Variants in NDST3 observed in about 807,000 individuals in gnomAD.
NDST3 encodes bifunctional heparan sulfate N-deacetylase/N-sulfotransferase 3.
Under a neutral mutation model 96.1 loss-of-function variants are expected in NDST3, and 58 were observed. That is an observed-to-expected ratio of 0.60 (90% CI 0.49 to 0.75). NDST3 has a LOEUF of 0.75. Among genes scored for constraint, NDST3 ranks in the 30% least tolerant of loss-of-function variants. NDST3 has a pLI of 0.00. For missense variants in NDST3, 788 were observed against 1,034.2 expected (o/e 0.76, Z 3.27); for synonymous variants, 333 against 359.7 (o/e 0.93, Z 0.84).
chr4:118,143,459 T>G, intron 5 of NDST3, 97 bp from the exon 6 acceptor site: 1 of 1,288,214 alleles, frequency 7.8e-7, no homozygotes, highest in Non-Finnish European at 1.1e-6. Flanking sequence ...AATAATTCAC[T>G]AGCTTGTGCA....
intron 1 of NDST3, among the ~76,000 whole-genome samples, chr4:118,042,798 T>G (rs1724542306): frequency 6.6e-6 from 1 of 152,238 alleles, no homozygotes; most frequent in Non-Finnish European, 1.5e-5. Context: ...CAGTGCATCA[T>G]GGCATGTCAC....
intron 2 of NDST3, among the ~76,000 whole-genome samples, chr4:118,057,098 C>A (rs572145508): frequency 1.3e-5 from 2 of 151,854 alleles, no homozygotes; most frequent in African/African-American, 4.8e-5. Flanking sequence ...AAGGAAGGAC[C>A]AAATTAAGAT....
chr4:118,241,772 A>C (rs1489464233), intron 11 of NDST3, among the ~76,000 whole-genome samples: 1 of 151,740 alleles, frequency 6.6e-6, no homozygotes, highest in Non-Finnish European at 1.5e-5. Context: ...TTTTCTAGTC[A>C]CTTTTCTAAG....
At chr4:118,242,350 T>C (rs1005845162) in intron 12 of NDST3, among the ~76,000 whole-genome samples, 1 of 151,996 alleles carries the variant, frequency 6.6e-6, no homozygotes, top group Non-Finnish European at 1.5e-5. Context: ...TTCCTAATTG[T>C]ACAAAGATTT....
chr4:118,103,988 A>G (rs904365381), intron 2 of NDST3, among the ~76,000 whole-genome samples: 27 of 152,216 alleles, frequency 1.8e-4, no homozygotes, highest in African/African-American at 6.5e-4. Flanking sequence ...TGGGGTAGTC[A>G]ATGAATAAAA....
chr4:118,203,440 G>C (rs1329820389), intron 6 of NDST3, among the ~76,000 whole-genome samples: 1 of 152,276 alleles, frequency 6.6e-6, no homozygotes, highest in Non-Finnish European at 1.5e-5. Flanking sequence ...ATCTGAGCCA[G>C]GGCTTTTTTT....
At chr4:118,070,879 T>C (rs916624702) in intron 2 of NDST3, among the ~76,000 whole-genome samples, 1 of 152,014 alleles carries the variant, frequency 6.6e-6, no homozygotes, top group Non-Finnish European at 1.5e-5. Flanking sequence ...TTCCCACCTA[T>C]GACTGAGAAC....
intron 1 of NDST3, among the ~76,000 whole-genome samples, 182 bp from the exon 2 acceptor site, chr4:118,053,565 GGACCCCTTT>G (rs1244664167): frequency 3.3e-5 from 5 of 151,750 alleles, no homozygotes; most frequent in Non-Finnish European, 1.5e-5. Context: ...AGGGCTCAAT[GGACCCCTTT>G]TCCTCTTTCT....
chr4:118,142,364 A>C (rs1464714340), intron 5 of NDST3, among the ~76,000 whole-genome samples: 1 of 152,030 alleles, frequency 6.6e-6, no homozygotes, highest in African/African-American at 2.4e-5. Flanking sequence ...ATTATACAAT[A>C]GGTTGTATTA....
intron 6 of NDST3, chr4:118,194,829 A>G (rs1737562638): frequency 2.9e-6 from 1 of 342,076 alleles, no homozygotes; most frequent in Non-Finnish European, 5.4e-6. Context: ...TGCTACCTTC[A>G]GGGTGTGCAG....
intron 4 of NDST3, among the ~76,000 whole-genome samples, chr4:118,115,943 C>T (rs1307244383): frequency 6.6e-6 from 1 of 152,156 alleles, no homozygotes; most frequent in African/African-American, 2.4e-5. Flanking sequence ...TCAGGTGCAC[C>T]TTTGCCACAT....
intron 2 of NDST3, among the ~76,000 whole-genome samples, chr4:118,075,615 T>C (rs1727460787): frequency 6.6e-6 from 1 of 152,196 alleles, no homozygotes; most frequent in African/African-American, 2.4e-5. Context: ...TGGTATCTCA[T>C]TGTGGTTTTG....
intron 2 of NDST3, among the ~76,000 whole-genome samples, chr4:118,057,179 A>G (rs1006417745): frequency 5.3e-5 from 8 of 152,066 alleles, no homozygotes; most frequent in Admixed American, 5.3e-4. Flanking sequence ...TAATCATGAC[A>G]TTAGAATTTG....
At chr4:118,215,920 G>C (rs1025314162) in intron 6 of NDST3, among the ~76,000 whole-genome samples, 1 of 152,076 alleles carries the variant, frequency 6.6e-6, no homozygotes, top group Non-Finnish European at 1.5e-5. Context: ...AGAGAGGGAT[G>C]AAAGTTTAAA....
At chr4:118,242,301 C>T in intron 12 of NDST3, 152 bp downstream of exon 12, 1 of 549,962 alleles carries the variant, frequency 1.8e-6, no homozygotes, top group South Asian at 2.7e-5. Context: ...AAAAACATTT[C>T]AACAGTGTGA....
intron 10 of NDST3, among the ~76,000 whole-genome samples, chr4:118,238,345 G>A (rs532989878): frequency 1.3e-5 from 2 of 152,124 alleles, no homozygotes; most frequent in South Asian, 2.1e-4. Flanking sequence ...GCACAAAAAC[G>A]ATCACTTTGA....
intron 2 of NDST3, among the ~76,000 whole-genome samples, chr4:118,094,833 GT>G (rs1417450340): frequency 6.6e-6 from 1 of 151,648 alleles, no homozygotes; most frequent in Non-Finnish European, 1.5e-5. Context: ...ATAAATAAAG[GT>G]ACACCAATAG....
chr4:118,078,610 G>C (rs1283308397), intron 2 of NDST3, among the ~76,000 whole-genome samples: 11 of 151,996 alleles, frequency 7.2e-5, no homozygotes, highest in Admixed American at 7.2e-4. Flanking sequence ...TTAGTTGGGC[G>C]TGGTGGCGGA....
At chr4:118,061,909 GGAA>G (rs1282648160) in intron 2 of NDST3, among the ~76,000 whole-genome samples, 6 of 152,278 alleles carry the variant, frequency 3.9e-5, no homozygotes, top group African/African-American at 1.4e-4. Context: ...GCCACATGGT[GGAA>G]GAAGATTTAT....
Sources: allele counts gnomAD v4.1 joint callset (sites outside exome capture counted in the v4.1 genomes callset), GRCh38; gene constraint gnomAD v4.1.1; transcripts MANE v1.5; gene names NCBI Gene and HGNC (gene_info 2026-07-23, HGNC 2026-07-21).